DOCK4: variants seen among roughly 807,000 people sequenced by gnomAD.
DOCK4 encodes the protein dedicator of cytokinesis 4, also known as dedicator of cytokinesis protein 4.
In DOCK4, 97 loss-of-function variants were observed where a neutral mutation model predicts 268.1. That is an observed-to-expected ratio of 0.36 (90% CI 0.31 to 0.43). DOCK4 has a LOEUF of 0.43. Ranked by LOEUF, DOCK4 falls within the 20% of genes least tolerant of loss-of-function variation. The pLI, the probability that DOCK4 is intolerant of heterozygous loss-of-function variation, is 1.00. For missense variants in DOCK4, 2,145 were observed against 2,455.7 expected (o/e 0.87, Z 2.67); for synonymous variants, 954 against 887.2 (o/e 1.08, Z -1.34).
At chr7:111,962,999 T>A (rs1197783627) in intron 8 of DOCK4, among the ~76,000 whole-genome samples, 1 of 152,168 alleles carries the variant, frequency 6.6e-6, no homozygotes, top group Admixed American at 6.5e-5. Context: ...TACCAACTGG[T>A]GGTACTCAGG....
intron 12 of DOCK4, among the ~76,000 whole-genome samples, chr7:111,922,633 G>A (rs912443621): frequency 2.0e-5 from 3 of 152,016 alleles, no homozygotes; most frequent in African/African-American, 7.3e-5. Context: ...CCAGGCTGGA[G>A]TGCAGTGGTG....
At chr7:111,970,322 AAAAAAG>A (rs1227934228) in intron 8 of DOCK4, among the ~76,000 whole-genome samples, 1 of 141,138 alleles carries the variant, frequency 7.1e-6, no homozygotes, top group Non-Finnish European at 1.5e-5. Context: ...AGTTATTAAA[AAAAAAG>A]AAAAAAAAAC....
chr7:111,805,632 C>G (rs1328188725), intron 30 of DOCK4, among the ~76,000 whole-genome samples: 1 of 152,104 alleles, frequency 6.6e-6, no homozygotes, highest in Non-Finnish European at 1.5e-5. Flanking sequence ...TAAAAGCAGA[C>G]AAGTCACTGA....
chr7:112,074,467 G>T (rs1807880629), intron 1 of DOCK4, among the ~76,000 whole-genome samples: 1 of 152,152 alleles, frequency 6.6e-6, no homozygotes, highest in Admixed American at 6.5e-5. Context: ...ATCCTCCTCT[G>T]TGATGCTGGG....
chr7:111,821,352 G>C (rs1238477222), intron 27 of DOCK4: 1 of 152,244 alleles, frequency 6.6e-6, no homozygotes, highest in African/African-American at 2.4e-5. Context: ...GGAAGAAGGG[G>C]AAGCAGGCAA....
chr7:111,957,421 A>T (rs2134942796), intron 8 of DOCK4, among the ~76,000 whole-genome samples: 1 of 152,316 alleles, frequency 6.6e-6, no homozygotes, highest in South Asian at 2.1e-4. Context: ...CCATGACTCC[A>T]AGTTCAGAAG....
chr7:111,994,017 C>A, intron 5 of DOCK4, 118 bp downstream of exon 5: 1 of 562,878 alleles, frequency 1.8e-6, no homozygotes, highest in Non-Finnish European at 3.2e-6. Flanking sequence ...TATCTATATC[C>A]CCAAGGAGTC....
intron 1 of DOCK4, among the ~76,000 whole-genome samples, chr7:112,191,849 C>T (rs930100565): frequency 2.0e-5 from 3 of 151,772 alleles, no homozygotes; most frequent in African/African-American, 7.3e-5. Context: ...AGCATTCATC[C>T]TAAAGCTGGG....
At chr7:111,771,461 TG>T (rs1798120689) in intron 36 of DOCK4, among the ~76,000 whole-genome samples, 1 of 152,096 alleles carries the variant, frequency 6.6e-6, no homozygotes, top group African/African-American at 2.4e-5. Flanking sequence ...GGATTGAACG[TG>T]AGATGGACAG....
At chr7:111,740,063 G>A in intron 47 of DOCK4, 2 of 435,980 alleles carry the variant, frequency 4.6e-6, no homozygotes, top group South Asian at 3.2e-5. Flanking sequence ...ATGTACATAA[G>A]TAAAGATAAT....
At chr7:112,093,941 C>T (rs943019292) in intron 1 of DOCK4, among the ~76,000 whole-genome samples, 2 of 147,846 alleles carry the variant, frequency 1.4e-5, no homozygotes, top group Non-Finnish European at 3.0e-5. Flanking sequence ...GAAATTTAAA[C>T]ACAGAAAATC....
At chr7:112,174,651 T>C (rs1320638692) in intron 1 of DOCK4, among the ~76,000 whole-genome samples, 1 of 152,110 alleles carries the variant, frequency 6.6e-6, no homozygotes, top group Non-Finnish European at 1.5e-5. Flanking sequence ...GTTACTATTT[T>C]AATTAAAAGT....
Position 111,728,647 on chromosome 7 carries a change from A to C in DOCK4, c.5555T>G (p.Leu1852Trp). ...SPGLISNSPV[L>W]SGSYSSGISS... ...AATCCCACTGCTGTAGCTGCCCGAC[A>C]AGACAGGGGAGTTGGAGATGAGTCC... Residue 1852 changes from leucine to tryptophan, a missense_variant, in exon 53 of 53, where the codon TTG becomes TGG. By Grantham distance (61) the Leu-to-Trp change is moderately conservative. This residue lies in a region of DOCK4 where 547 missense variants were observed against 469.0 expected (regional missense o/e 1.17). Transcript: ENST00000428084. 6.2e-7 allele frequency: 1 copy of C among 1,614,020 alleles called. No homozygotes were observed. The highest frequency in any genetic ancestry group is 8.5e-7 in the Non-Finnish European group (1 of 1,179,896).
At chr7:112,123,396 G>A (rs768581296) in intron 1 of DOCK4, among the ~76,000 whole-genome samples, 2 of 151,994 alleles carry the variant, frequency 1.3e-5, no homozygotes, top group Non-Finnish European at 2.9e-5. Context: ...CCCCAACACG[G>A]GGATAAGAAA....
At chr7:112,117,447 T>C (rs1173327751) in intron 1 of DOCK4, among the ~76,000 whole-genome samples, 1 of 152,158 alleles carries the variant, frequency 6.6e-6, no homozygotes, top group African/African-American at 2.4e-5. Flanking sequence ...CTCAGCTCAC[T>C]GCAGCCTCCA....
intron 49 of DOCK4, among the ~76,000 whole-genome samples, chr7:111,737,630 G>GT (rs1795597690): frequency 6.6e-6 from 1 of 152,050 alleles, no homozygotes; most frequent in South Asian, 2.1e-4. Flanking sequence ...GTTTTACATG[G>GT]TTTTACCTAA....
chr7:112,122,556 C>T (rs1164909048), intron 1 of DOCK4, among the ~76,000 whole-genome samples: 1 of 152,130 alleles, frequency 6.6e-6, no homozygotes, highest in Non-Finnish European at 1.5e-5. Context: ...CAAGCGTTAG[C>T]CACCACGCCC....
intron 35 of DOCK4, among the ~76,000 whole-genome samples, chr7:111,781,789 A>C (rs1798797236): frequency 6.6e-6 from 1 of 152,208 alleles, no homozygotes; most frequent in Non-Finnish European, 1.5e-5. Context: ...CTGTGACAGG[A>C]GTAAACAAAG....
intron 1 of DOCK4, among the ~76,000 whole-genome samples, chr7:112,035,704 CAT>C (rs1279396389): frequency 6.6e-6 from 1 of 151,904 alleles, no homozygotes; most frequent in Non-Finnish European, 1.5e-5. Context: ...GATAAACAAA[CAT>C]AAAGATGATT....
Sources: allele counts gnomAD v4.1 joint callset (sites outside exome capture counted in the v4.1 genomes callset), GRCh38; gene constraint gnomAD v4.1.1; regional missense constraint gnomAD v4.1.1; transcripts MANE v1.5; gene names NCBI Gene and HGNC (gene_info 2026-07-23, HGNC 2026-07-21).